The following CADM2 variants were observed in gnomAD, a reference collection of about 807,000 sequenced individuals.
CADM2 encodes immunoglobulin superfamily member 4D.
A neutral mutation model predicts 49.8 loss-of-function variants in CADM2; 12 were observed. The ratio of observed to expected loss-of-function variants is 0.24; its 90% CI spans 0.15 to 0.39. The LOEUF is 0.39. CADM2 is among the 10% of genes least tolerant of loss of function. The pLI, the probability that CADM2 is intolerant of heterozygous loss-of-function variation, is 1.00. For synonymous variants in CADM2, 214 were observed against 175.4 expected, an observed-to-expected ratio of 1.22 and a Z score of -1.74; for missense variants, 378 against 492.3, an observed-to-expected ratio of 0.77 and a Z score of 2.20.
intron 1 of CADM2, among the ~76,000 whole-genome samples, chr3:85,048,158 A>G (rs1213191295): frequency 6.6e-6 from 1 of 152,140 alleles, no homozygotes; most frequent in African/African-American, 2.4e-5. Flanking sequence ...GGAAAAAAAG[A>G]TGATTGGTTC....
intron 1 of CADM2, among the ~76,000 whole-genome samples, chr3:85,715,600 C>T (rs1011840149): frequency 6.6e-6 from 1 of 152,126 alleles, no homozygotes; most frequent in African/African-American, 2.4e-5. Context: ...TGGTTTGCTT[C>T]ACCCATCAAT....
chr3:85,445,927 G>T (rs1182887742), intron 1 of CADM2, among the ~76,000 whole-genome samples: 1 of 152,010 alleles, frequency 6.6e-6, no homozygotes, highest in East Asian at 1.9e-4. Flanking sequence ...AGACTGTATT[G>T]CAAATATATG....
chr3:85,736,415 T>A (rs539106353), intron 2 of CADM2, among the ~76,000 whole-genome samples: 127 of 152,272 alleles, frequency 8.3e-4, no homozygotes, highest in Non-Finnish European at 1.5e-3. Flanking sequence ...GAAGATTTCT[T>A]AGAGAAAATG....
chr3:84,974,253 T>C (rs1433142859), intron 1 of CADM2, among the ~76,000 whole-genome samples: 1 of 151,354 alleles, frequency 6.6e-6, no homozygotes. Flanking sequence ...ATATATACTT[T>C]GGAAATCATA....
intron 2 of CADM2, among the ~76,000 whole-genome samples, chr3:85,787,659 G>T (rs1346742886): frequency 8.5e-5 from 13 of 152,076 alleles, no homozygotes. Flanking sequence ...CTATATAAAT[G>T]ATCCTGCACA....
intron 1 of CADM2, among the ~76,000 whole-genome samples, chr3:85,053,415 G>A (rs777636723): frequency 6.6e-6 from 1 of 151,928 alleles, no homozygotes; most frequent in Non-Finnish European, 1.5e-5. Flanking sequence ...CCAAGAATTT[G>A]AAGGAAATAA....
chr3:85,637,705 A>G (rs2064557134), intron 1 of CADM2, among the ~76,000 whole-genome samples: 1 of 151,942 alleles, frequency 6.6e-6, no homozygotes, highest in South Asian at 2.1e-4. Context: ...TAATATCCAA[A>G]AAATGACAAT....
At chr3:85,049,331 A>T (rs189379076) in intron 1 of CADM2, among the ~76,000 whole-genome samples, 1 of 60,446 alleles carries the variant, frequency 1.7e-5, no homozygotes, top group Non-Finnish European at 6.6e-5. Context: ...GGTTTAGTTT[A>T]TTTATTTATT....
At chr3:85,244,412 A>G (rs1340579689) in intron 1 of CADM2, among the ~76,000 whole-genome samples, 3 of 152,138 alleles carry the variant, frequency 2.0e-5, no homozygotes, top group Non-Finnish European at 4.4e-5. Context: ...AAATCTTTCT[A>G]TTTATATGTA....
At chr3:85,034,991 C>T (rs760890002) in intron 1 of CADM2, among the ~76,000 whole-genome samples, 23 of 151,526 alleles carry the variant, frequency 1.5e-4, no homozygotes, top group Non-Finnish European at 3.1e-4. Context: ...TTAGTAGAGA[C>T]GGAGTTTCAT....
At chr3:84,992,980 C>T (rs2032976284) in intron 1 of CADM2, among the ~76,000 whole-genome samples, 1 of 152,020 alleles carries the variant, frequency 6.6e-6, no homozygotes, top group Non-Finnish European at 1.5e-5. Flanking sequence ...AGGTTGTCAA[C>T]CCAGGATGTA....
intron 1 of CADM2, among the ~76,000 whole-genome samples, chr3:85,245,915 C>A (rs946439504): frequency 6.6e-6 from 1 of 152,014 alleles, no homozygotes; most frequent in Non-Finnish European, 1.5e-5. Context: ...AATCAAATAC[C>A]AAAATTCACC....
At chr3:85,235,573 C>G (rs1251955833) in intron 1 of CADM2, among the ~76,000 whole-genome samples, 2 of 151,992 alleles carry the variant, frequency 1.3e-5, no homozygotes, top group Non-Finnish European at 2.9e-5. Flanking sequence ...TTATAATTTA[C>G]AAAGATATGT....
chr3:85,782,550 G>A (rs2070718136), intron 2 of CADM2, among the ~76,000 whole-genome samples: 2 of 151,610 alleles, frequency 1.3e-5, no homozygotes, highest in Admixed American at 6.6e-5. Flanking sequence ...CAGCTACTTT[G>A]GAGGCTGAGG....
chr3:86,051,967 CA>C (rs5850728), intron 8 of CADM2, among the ~76,000 whole-genome samples: 1 of 150,742 alleles, frequency 6.6e-6, no homozygotes, highest in African/African-American at 2.4e-5. Context: ...CAGTGACTTT[CA>C]AAAAAAAACT....
chr3:85,060,300 G>C (rs2036256480), intron 1 of CADM2, among the ~76,000 whole-genome samples: 1 of 151,868 alleles, frequency 6.6e-6, no homozygotes, highest in African/African-American at 2.4e-5. Flanking sequence ...CTAATTTTTT[G>C]TATTTTTAGT....
At chr3:85,829,640 A>T (rs1158742176) in intron 3 of CADM2, among the ~76,000 whole-genome samples, 1 of 151,964 alleles carries the variant, frequency 6.6e-6, no homozygotes, top group Non-Finnish European at 1.5e-5. Context: ...CTTCTAGCTG[A>T]AAGTTTCTAT....
chr3:85,291,592 G>C lies in CADM2; in HGVS notation c.61+331924G>C, dbSNP rs555402812. ...CCATCAGACTAACAGCGGATCTCTT[G>C]GCAGAAACCCTACAAGCCAGAAGAG... On this transcript the variant is annotated intron_variant, in intron 1 of 9. Coordinates refer to ENST00000383699, the MANE Select transcript of CADM2 (RefSeq NM_001167675.2). 2.0e-3 allele frequency among the ~76,000 whole-genome samples: 292 copies of C among 147,224 alleles called. 10 individuals are homozygous for C. The highest frequency in any genetic ancestry group is 7.4e-3 in the African/African-American group (274 of 36,978).
At chr3:85,341,393 C>T (rs1219729600) in intron 1 of CADM2, among the ~76,000 whole-genome samples, 1 of 151,776 alleles carries the variant, frequency 6.6e-6, no homozygotes, top group African/African-American at 2.4e-5. Context: ...ATTTTACAAA[C>T]ATTAGATGGT....
Sources: allele counts gnomAD v4.1 joint callset (sites outside exome capture counted in the v4.1 genomes callset), GRCh38; gene constraint gnomAD v4.1.1; transcripts MANE v1.5; gene names NCBI Gene and HGNC (gene_info 2026-07-23, HGNC 2026-07-21).